The following CHST8 variants were observed in gnomAD, a reference collection of about 807,000 sequenced individuals.
The protein encoded by CHST8 is carbohydrate sulfotransferase 8.
In CHST8, 10 loss-of-function variants were observed where a neutral mutation model predicts 15.0. The ratio of observed to expected loss-of-function variants is 0.67; its 90% CI spans 0.41 to 1.13. CHST8 has a LOEUF of 1.13. CHST8 is among the 50% of genes most tolerant of loss of function. CHST8 has a pLI of 0.00. For synonymous variants in CHST8, 259 were observed against 256.6 expected (o/e 1.01, Z -0.09); for missense variants, 634 against 608.2 (o/e 1.04, Z -0.45).
intron 1 of CHST8, among the ~76,000 whole-genome samples, chr19:33,642,393 G>T (rs1360851052): frequency 6.6e-6 from 1 of 151,826 alleles, no homozygotes; most frequent in Non-Finnish European, 1.5e-5. Flanking sequence ...CTGAGATAGG[G>T]TCTCTGTCGC....
intron 1 of CHST8, among the ~76,000 whole-genome samples, chr19:33,626,961 AT>A (rs978665121): frequency 1.3e-5 from 2 of 149,544 alleles, no homozygotes; most frequent in African/African-American, 2.5e-5. Flanking sequence ...TTAATTTTTA[AT>A]TTTTTTTTAT....
chr19:33,625,803 AGTG>A (rs1441552453), intron 1 of CHST8, among the ~76,000 whole-genome samples: 3 of 152,314 alleles, frequency 2.0e-5, no homozygotes, highest in African/African-American at 2.4e-5. Flanking sequence ...CAGAAGTTGC[AGTG>A]AGCCGAGATC....
chr19:33,719,231 C>CCTT (rs1379407698), intron 3 of CHST8, among the ~76,000 whole-genome samples: 2 of 150,276 alleles, frequency 1.3e-5, no homozygotes, highest in African/African-American at 4.9e-5. Context: ...AAGGCAAATA[C>CCTT]CTTCTGTCAG....
At chr19:33,752,407 G>T (rs908285053) in intron 3 of CHST8, among the ~76,000 whole-genome samples, 1 of 148,576 alleles carries the variant, frequency 6.7e-6, no homozygotes. Context: ...TCCCTGATCC[G>T]CCACATAAGA....
intron 3 of CHST8, among the ~76,000 whole-genome samples, chr19:33,730,049 A>C (rs989879278): frequency 6.6e-6 from 1 of 152,110 alleles, no homozygotes; most frequent in African/African-American, 2.4e-5. Flanking sequence ...CAGTCTTAGG[A>C]CCCTCATGTC....
intron 2 of CHST8, among the ~76,000 whole-genome samples, chr19:33,677,778 T>C (rs992462668): frequency 1.3e-5 from 2 of 152,196 alleles, no homozygotes; most frequent in African/African-American, 4.8e-5. Flanking sequence ...AAGCCGTTAG[T>C]CTCTGGAACA....
At chr19:33,744,099 C>T (rs1974261974) in intron 3 of CHST8, among the ~76,000 whole-genome samples, 1 of 152,152 alleles carries the variant, frequency 6.6e-6, no homozygotes. Context: ...CCTCTCTGAT[C>T]TCTTGTCTAC....
intron 2 of CHST8, among the ~76,000 whole-genome samples, chr19:33,686,878 C>T (rs370455305): frequency 1.3e-4 from 20 of 152,354 alleles, no homozygotes; most frequent in African/African-American, 3.1e-4. Flanking sequence ...TTATTGAACC[C>T]GCGTCTGCTT....
chr19:33,703,873 TG>T (rs1266646641), intron 3 of CHST8, among the ~76,000 whole-genome samples: 1 of 152,208 alleles, frequency 6.6e-6, no homozygotes, highest in African/African-American at 2.4e-5. Flanking sequence ...TTATTTTATG[TG>T]GGGAAAATAG....
intron 3 of CHST8, among the ~76,000 whole-genome samples, chr19:33,712,801 C>T (rs1973583817): frequency 6.6e-6 from 1 of 152,150 alleles, no homozygotes; most frequent in East Asian, 1.9e-4. Context: ...CTCAAAACCC[C>T]CACCCCCAAC....
At chr19:33,722,772 C>A (rs538929142) in intron 3 of CHST8, among the ~76,000 whole-genome samples, 1 of 152,294 alleles carries the variant, frequency 6.6e-6, no homozygotes, top group East Asian at 1.9e-4. Context: ...AACAGCCACC[C>A]CCAGTTCCCC....
intron 1 of CHST8, among the ~76,000 whole-genome samples, chr19:33,657,204 C>G (rs931634223): frequency 3.3e-5 from 5 of 151,394 alleles, no homozygotes; most frequent in African/African-American, 1.2e-4. Flanking sequence ...CATACATATA[C>G]ATACACAAAC....
intron 3 of CHST8, among the ~76,000 whole-genome samples, chr19:33,761,642 A>C (rs1182788972): frequency 6.6e-6 from 1 of 150,750 alleles, no homozygotes; most frequent in Non-Finnish European, 1.5e-5. Flanking sequence ...AAATATACAT[A>C]TATATATATA....
rs17227533 is a variant in CHST8, at chr19:33,723,825, G to A, written c.130+34434G>A. Among the ~76,000 whole-genome samples, 377 of 152,248 alleles carry A rather than the reference G, an allele frequency of 2.5e-3. 2 individuals carry two copies. Among genetic ancestry groups the A allele is most frequent in the African/African-American group, 8.6e-3 (356 of 41,550 alleles). On this transcript the variant is annotated intron_variant, in intron 3 of 4. Coordinates refer to ENST00000650847, the MANE Select transcript of CHST8 (RefSeq NM_001127895.2). ...GGGGTGGCCCTGGCATCTCTGGGCC[G>A]CCATTGTCACCCCATTGTGTTACCT... is the stretch of plus-strand genomic sequence containing the variant.
At chr19:33,656,427 G>T (rs1232916192) in intron 1 of CHST8, among the ~76,000 whole-genome samples, 4 of 152,184 alleles carry the variant, frequency 2.6e-5, no homozygotes, top group Non-Finnish European at 5.9e-5. Flanking sequence ...GAGATTATTT[G>T]TCCATCAGTG....
At chr19:33,728,263 C>T (rs1439767935) in intron 3 of CHST8, among the ~76,000 whole-genome samples, 1 of 152,254 alleles carries the variant, frequency 6.6e-6, no homozygotes, top group Admixed American at 6.5e-5. Context: ...ACAGTTCTCT[C>T]TAGGCTCTGG....
chr19:33,724,670 G>T (rs1973860860), intron 3 of CHST8, among the ~76,000 whole-genome samples: 1 of 152,128 alleles, frequency 6.6e-6, no homozygotes, highest in African/African-American at 2.4e-5. Context: ...GCCACTCCTG[G>T]GCCCTGCCCC....
chr19:33,723,786 T>G (rs1313665673), intron 3 of CHST8, among the ~76,000 whole-genome samples: 2 of 152,218 alleles, frequency 1.3e-5, no homozygotes, highest in Non-Finnish European at 1.5e-5. Flanking sequence ...CAGTCCCAGA[T>G]AGCCTTTTGC....
At chr19:33,731,133 C>A (rs1189029760) in intron 3 of CHST8, among the ~76,000 whole-genome samples, 1 of 152,222 alleles carries the variant, frequency 6.6e-6, no homozygotes, top group East Asian at 1.9e-4. Context: ...CAATGCTTTG[C>A]ATCCTTCAAT....
Sources: allele counts gnomAD v4.1 joint callset (sites outside exome capture counted in the v4.1 genomes callset), GRCh38; gene constraint gnomAD v4.1.1; transcripts MANE v1.5; gene names NCBI Gene and HGNC (gene_info 2026-07-23, HGNC 2026-07-21).